ABHD14B: variants seen among roughly 807,000 people sequenced by gnomAD.
ABHD14B encodes putative protein-lysine deacylase ABHD14B.
In ABHD14B, 19 loss-of-function variants were observed where a neutral mutation model predicts 15.4. That is an observed-to-expected ratio of 1.23 (90% CI 0.86 to 1.81). ABHD14B has a LOEUF of 1.81. Among genes scored for constraint, ABHD14B ranks in the 40% most tolerant of loss-of-function variants. The probability of loss-of-function intolerance (pLI) is 0.00; values close to 1 mark genes in which losing one functional copy is unlikely to be tolerated. For synonymous variants in ABHD14B, 92 were observed against 117.3 expected, an observed-to-expected ratio of 0.78 and a Z score of 1.39; for missense variants, 243 against 267.0, an observed-to-expected ratio of 0.91 and a Z score of 0.63.
At chr3:51,970,248 G>A in intron 2 of ABHD14B, 64 bp from the exon 3 acceptor site, 2 of 1,514,100 alleles carry the variant, frequency 1.3e-6, no homozygotes, top group Non-Finnish European at 8.8e-7. Flanking sequence ...AAGGGAGATG[G>A]TTGCTCTCTC....
rs555016805 is a variant in ABHD14B, at chr3:51,970,002, C to T, written c.394G>A (p.Val132Met). The T allele has an allele frequency of 1.9e-6, 3 of 1,614,208 alleles. No homozygotes were observed. The South Asian group carries it at 3.3e-5, about 18-fold the overall frequency. Residue 132 changes from valine to methionine, a missense_variant, in exon 3 of 4, where the codon GTG becomes ATG. Physicochemically the swap from Val to Met is conservative, Grantham distance 21. Transcript: ENST00000361143. The part of the protein sequence containing the change: ...TAPGSQLPGF[V>M]PVAPICTDKI... ...TCAGTGCAGATGGGGGCCACTGGCA[C>T]AAAGCCCGGGAGCTGGGAGCCAGGG...
chr3:51,973,248 C>T (rs1201272272), intron 1 of ABHD14B, among the ~76,000 whole-genome samples: 1 of 151,032 alleles, frequency 6.6e-6, no homozygotes, highest in Non-Finnish European at 1.5e-5. Context: ...GACGGGGTTT[C>T]GCCGTGTTAG....
intron 3 of ABHD14B, 76 bp downstream of exon 3, chr3:51,969,867 C>T: frequency 1.2e-6 from 2 of 1,612,202 alleles, no homozygotes. Flanking sequence ...TTATCCAGCC[C>T]CCAGATGAGG....
chr3:51,971,606 C>T lies in ABHD14B; in HGVS notation c.65G>A (p.Arg22Gln), dbSNP rs575308151. ...CTGCCCACTGCCGGGCAGGGCCTCT[C>T]GGAAGAAGAGGGCCTGGCCCTGCAC... ...IQVQGQALFF[R>Q]EALPGSGQAR... The change falls in exon 2 of 4, where the codon CGA becomes CAA. Residue 22 changes from arginine to glutamine, a missense_variant. Coordinates refer to ENST00000361143, the MANE Select transcript of ABHD14B (RefSeq NM_001146314.2). 8.2e-5 allele frequency: 133 copies of T among 1,613,390 alleles called. No individual in the cohort carries two copies. In the South Asian group the frequency reaches 1.1e-3, roughly 13 times the overall value.
upstream of ABHD14B, chr3:51,974,153 C>T (rs2106805478): frequency 2.3e-6 from 2 of 875,362 alleles, no homozygotes; most frequent in Non-Finnish European, 3.1e-6. Flanking sequence ...CTCGTTCTCA[C>T]AGCGGCGTCA....
At chr3:51,973,275 C>T (rs1209465390) in intron 1 of ABHD14B, among the ~76,000 whole-genome samples, 2 of 151,396 alleles carry the variant, frequency 1.3e-5, no homozygotes, top group Non-Finnish European at 2.9e-5. Flanking sequence ...TGGTCTCGAT[C>T]TCCTGACCTC....
chr3:51,971,469 C>A lies in ABHD14B; in HGVS notation c.202G>T (p.Asp68Tyr). 1 of 1,583,410 alleles carries A rather than the reference C, an allele frequency of 6.3e-7. No individual in the cohort carries two copies. Among genetic ancestry groups the A allele is most frequent in the South Asian group, 1.1e-5 (1 of 88,632 alleles). Residue 68 changes from aspartate to tyrosine, a missense_variant, in exon 2 of 4, where the codon GAC (aspartate) becomes TAC (tyrosine). Transcript: ENST00000361143. ...CCTGCCCCTTAAGTACCTGGCAGGT[C>A]AATGGCCACAGCCCGGTAGCCAGCC... ...AQAGYRAVAI[D>Y]LPGLGHSKEA...
chr3:51,971,561 A>C lies in ABHD14B; in HGVS notation c.110T>G (p.Leu37Arg). ...GGAGGAGAAGCGAATACCATGCAGC[A>C]GCAGTACAGAGAAGCGAGCCTGCCC... Reference protein sequence around the residue: ...GSGQARFSVLLLHGIRFSSET... With the variant: ...GSGQARFSVLRLHGIRFSSET... Residue 37 changes from leucine (L) to arginine (R), a missense_variant, in exon 2 of 4, where the codon CTG becomes CGG. By Grantham distance (102) the Leu-to-Arg change is moderately radical (BLOSUM62 -2). Transcript: ENST00000361143. 6.2e-7 allele frequency: 1 copy of C among 1,613,730 alleles called. No individual in the cohort carries two copies. The highest frequency in any genetic ancestry group is 8.5e-7 in the Non-Finnish European group (1 of 1,179,968).
rs998488166 is a variant in ABHD14B at position 51,969,089 on chromosome 3, G to C, written c.*337C>G. Reference sequence around the variant, plus strand: ...GGCCTTCAGGGCATTTGCAGAAGGAGGAGTGGGTGGGAGGGAAAGGCTGGG... The same window carrying C: ...GGCCTTCAGGGCATTTGCAGAAGGACGAGTGGGTGGGAGGGAAAGGCTGGG... On this transcript the variant is annotated 3_prime_UTR_variant, in exon 4 of 4. Coordinates refer to ENST00000361143, the MANE Select transcript of ABHD14B (RefSeq NM_001146314.2). 4.5e-6 allele frequency: 1 copy of C among 222,810 alleles called. No homozygotes were observed. The highest frequency in any genetic ancestry group is 2.3e-5 in the African/African-American group (1 of 43,546). The allele number at this position is 222,810 out of a possible 1,614,324, so 13.8% of individuals were successfully genotyped here.
rs552935009 is a variant in ABHD14B, at chr3:51,971,468, T to C, written c.203A>G (p.Asp68Gly). 1.9e-6 allele frequency: 3 copies of C among 1,581,318 alleles called. No homozygotes were observed. The highest frequency in any genetic ancestry group is 2.7e-5 in the African/African-American group (2 of 73,744). ...GCCTGCCCCTTAAGTACCTGGCAGG[T>C]CAATGGCCACAGCCCGGTAGCCAGC... ...AQAGYRAVAI[D>G]LPGLGHSKEA... Residue 68 changes from aspartate (D) to glycine (G), a missense_variant, in exon 2 of 4, where the codon GAC becomes GGC. Transcript: ENST00000361143.
chr3:51,970,856 G>A (rs1055433064), intron 2 of ABHD14B: 47 of 454,712 alleles, frequency 1.0e-4, no homozygotes, highest in African/African-American at 5.4e-4. Flanking sequence ...ACCTGGCACC[G>A]AGGGTTGGGA....
Position 51,974,015 on chromosome 3 carries a change from G to A in ABHD14B, c.-79C>T. Reference sequence around the variant, plus strand: ...GACGGGAAGCAGGCGCGTGCTGGCGGTGACCTGGGGCCGGAGGAGGAACGC... The same window carrying A: ...GACGGGAAGCAGGCGCGTGCTGGCGATGACCTGGGGCCGGAGGAGGAACGC... On this transcript the variant is annotated 5_prime_UTR_variant, in exon 1 of 4. Coordinates refer to ENST00000361143, the MANE Select transcript of ABHD14B (RefSeq NM_001146314.2). 8 of 1,288,888 alleles carry A rather than the reference G, an allele frequency of 6.2e-6. No homozygotes were observed. Among genetic ancestry groups the A allele is most frequent in the Non-Finnish European group, 8.1e-6 (8 of 988,824 alleles). The allele number at this position is 1,288,888 out of a possible 1,614,324, so 79.8% of individuals were successfully genotyped here. A position where few individuals can be genotyped will look rare whatever the true frequency, so the allele number is the denominator to read the frequency against.
At chr3:51,972,410 C>T (rs887725738) in intron 1 of ABHD14B, among the ~76,000 whole-genome samples, 1 of 149,980 alleles carries the variant, frequency 6.7e-6, no homozygotes, top group Non-Finnish European at 1.5e-5. Context: ...CCCATCTCTA[C>T]TCAAAATACA....
chr3:51,970,599 A>G, intron 2 of ABHD14B: 1 of 464,456 alleles, frequency 2.2e-6, no homozygotes, highest in Admixed American at 2.3e-5. Flanking sequence ...AACTGTGTGA[A>G]AGGCACCTGG....
In ABHD14B at chr3:51,971,569, A is replaced by T. The variant is rs1412732867; in HGVS notation, c.102T>A (p.Ser34=). ...ALPGSGQARF[S]VLLLHGIRFS... ...AGCGAATACCATGCAGCAGCAGTAC[A>T]GAGAAGCGAGCCTGCCCACTGCCGG... Residue 34 remains serine, a synonymous_variant, in exon 2 of 4, where the codon TCT becomes TCA. Transcript: ENST00000361143. 2 of 1,613,688 alleles carry T rather than the reference A, an allele frequency of 1.2e-6. No homozygotes were observed. Among genetic ancestry groups the T allele is most frequent in the Admixed American group, 3.3e-5 (2 of 60,022 alleles).
intron 1 of ABHD14B, 109 bp from the exon 2 acceptor site, chr3:51,971,807 C>T (rs1700660963): frequency 6.9e-7 from 1 of 1,446,938 alleles, no homozygotes; most frequent in East Asian, 2.5e-5. Context: ...ACTTTAAGAA[C>T]ATGCCTTGGG....
Position 51,969,929 on chromosome 3 carries a change from C to T in ABHD14B, c.453+14G>A. The T allele has an allele frequency of 6.2e-7, 1 of 1,614,224 alleles. No homozygotes were observed. Among genetic ancestry groups the T allele is most frequent in the Admixed American group, 1.7e-5 (1 of 60,034 alleles). The stretch of plus-strand genomic sequence containing the variant: ...CTCCTGGCAGGGGCACCTCAGCTTC[C>T]CACACAAGGGTACCTTCACACTGGC... On this transcript the variant is annotated intron_variant, in intron 3 of 3. Coordinates refer to ENST00000361143, the MANE Select transcript of ABHD14B (RefSeq NM_001146314.2).
At chr3:51,970,689 G>C (rs147276246) in intron 2 of ABHD14B, 11 of 457,208 alleles carry the variant, frequency 2.4e-5, no homozygotes, top group African/African-American at 1.6e-4. Flanking sequence ...AGTCATTCAG[G>C]CTTCACCAAC....
At chr3:51,974,440 A>G, upstream of ABHD14B, 1 of 238,774 alleles carries the variant, frequency 4.2e-6, no homozygotes, top group South Asian at 4.3e-5. Context: ...CGTTTTCCCA[A>G]TGCCCCCGAG....
Sources: gnomAD v4.1 joint callset for allele counts (sites outside exome capture counted in the v4.1 genomes callset) on GRCh38, gnomAD v4.1.1 for gene constraint, MANE v1.5 for transcripts, NCBI Gene and HGNC (gene_info 2026-07-23, HGNC 2026-07-21) for gene names.